The following ERC2 variants were observed in gnomAD, a reference collection of about 807,000 sequenced individuals.
The protein encoded by ERC2 is ERC protein 2.
In ERC2, 42 loss-of-function variants were observed where a neutral mutation model predicts 114.8. The observed-to-expected ratio is 0.37, with a 90% confidence interval of 0.29 to 0.47. The LOEUF (loss-of-function observed/expected upper bound fraction) is 0.47. Among genes scored for constraint, ERC2 ranks in the 20% least tolerant of loss-of-function variants. ERC2 has a pLI of 0.99. For missense variants in ERC2, 939 were observed against 1,150.7 expected, an observed-to-expected ratio of 0.82 and a Z score of 2.66; for synonymous variants, 454 against 425.5, an observed-to-expected ratio of 1.07 and a Z score of -0.82.
chr3:55,918,161 T>C (rs1326184815), intron 13 of ERC2, among the ~76,000 whole-genome samples: 7 of 152,110 alleles, frequency 4.6e-5, no homozygotes, highest in Non-Finnish European at 2.9e-5. Context: ...AAAGGATAAG[T>C]TACTTTCATT....
At chr3:56,018,272 G>T (rs958074927) in intron 8 of ERC2, among the ~76,000 whole-genome samples, 3 of 152,146 alleles carry the variant, frequency 2.0e-5, no homozygotes, top group African/African-American at 7.2e-5. Flanking sequence ...AAAGTAGAAA[G>T]TATCAGACCT....
chr3:56,077,965 C>T (rs9865648), intron 7 of ERC2, among the ~76,000 whole-genome samples: 5 of 151,924 alleles, frequency 3.3e-5, no homozygotes, highest in African/African-American at 1.2e-4. Context: ...TACAGTGTTC[C>T]ATATAAGCAA....
At chr3:55,958,688 A>G (rs1217853134) in intron 12 of ERC2, among the ~76,000 whole-genome samples, 1 of 152,230 alleles carries the variant, frequency 6.6e-6, no homozygotes, top group Non-Finnish European at 1.5e-5. Context: ...AGGCAACAGG[A>G]AGCTGGAGTG....
chr3:55,855,860 AT>A, intron 14 of ERC2, among the ~76,000 whole-genome samples: 1 of 152,314 alleles, frequency 6.6e-6, no homozygotes, highest in Non-Finnish European at 1.5e-5. Flanking sequence ...TTCTGCAGTA[AT>A]TTAAATTTTA....
intron 1 of ERC2, among the ~76,000 whole-genome samples, chr3:56,465,590 C>T (rs1397207154): frequency 6.6e-6 from 1 of 152,162 alleles, no homozygotes; most frequent in African/African-American, 2.4e-5. Context: ...CTATTTAAAA[C>T]TCTAATTGGA....
At chr3:55,665,353 G>T (rs894687613) in intron 17 of ERC2, among the ~76,000 whole-genome samples, 1 of 152,108 alleles carries the variant, frequency 6.6e-6, no homozygotes, top group Non-Finnish European at 1.5e-5. Flanking sequence ...ATTGAGTTGT[G>T]CCCCCTCAGA....
chr3:56,421,767 TG>T (rs969792535), intron 2 of ERC2, among the ~76,000 whole-genome samples: 2 of 152,190 alleles, frequency 1.3e-5, no homozygotes, highest in African/African-American at 4.8e-5. Context: ...ATGTGACACC[TG>T]GCTGCCCTAC....
intron 1 of ERC2, among the ~76,000 whole-genome samples, chr3:56,449,170 A>C (rs995486456): frequency 1.3e-5 from 2 of 152,052 alleles, no homozygotes; most frequent in Non-Finnish European, 2.9e-5. Context: ...GCCCCTCCAC[A>C]ACCCTAAGCC....
chr3:55,673,520 T>G (rs1171737603), intron 17 of ERC2, among the ~76,000 whole-genome samples: 3 of 151,748 alleles, frequency 2.0e-5, no homozygotes, highest in Non-Finnish European at 4.4e-5. Flanking sequence ...GAGACGGAGG[T>G]TGCAGTCAGC....
intron 13 of ERC2, among the ~76,000 whole-genome samples, chr3:55,903,213 C>G (rs1447161180): frequency 6.6e-6 from 1 of 152,142 alleles, no homozygotes; most frequent in South Asian, 2.1e-4. Flanking sequence ...TGTCTTTAAA[C>G]TATATTTTCA....
intron 17 of ERC2, among the ~76,000 whole-genome samples, chr3:55,631,336 C>G (rs2059751563): frequency 1.3e-5 from 2 of 152,146 alleles, no homozygotes; most frequent in African/African-American, 4.8e-5. Flanking sequence ...AAGGGTTAGT[C>G]AATAGCTTTC....
chr3:56,386,452 C>T (rs1183047176), intron 2 of ERC2, among the ~76,000 whole-genome samples: 1 of 152,084 alleles, frequency 6.6e-6, no homozygotes, highest in Non-Finnish European at 1.5e-5. Flanking sequence ...AGCTTCCCAA[C>T]CTGGGCGATC....
chr3:55,678,521 CT>C (rs2061916394), intron 17 of ERC2, among the ~76,000 whole-genome samples: 1 of 152,128 alleles, frequency 6.6e-6, no homozygotes, highest in South Asian at 2.1e-4. Flanking sequence ...CCTTACATGT[CT>C]TCTTATTCTA....
At chr3:55,667,824 G>C (rs2061412860) in intron 17 of ERC2, among the ~76,000 whole-genome samples, 1 of 152,232 alleles carries the variant, frequency 6.6e-6, no homozygotes, top group South Asian at 2.1e-4. Context: ...AGTGAGTGAT[G>C]GAGCTGGAAT....
chr3:55,827,644 G>C (rs892121088), intron 14 of ERC2, among the ~76,000 whole-genome samples: 3 of 152,168 alleles, frequency 2.0e-5, no homozygotes, highest in African/African-American at 7.2e-5. Context: ...TGTAAATCAA[G>C]TTGTTGTTTG....
At chr3:56,293,821 C>T (rs1417211725) in intron 3 of ERC2, among the ~76,000 whole-genome samples, 1 of 152,118 alleles carries the variant, frequency 6.6e-6, no homozygotes, top group Non-Finnish European at 1.5e-5. Flanking sequence ...TCTCAGAAAA[C>T]CCAAGATGAA....
intron 17 of ERC2, among the ~76,000 whole-genome samples, chr3:55,617,958 G>A (rs1239611539): frequency 6.6e-6 from 1 of 151,858 alleles, no homozygotes; most frequent in Admixed American, 6.6e-5. Context: ...CAAGGAAACT[G>A]GGATAGGCAA....
At chr3:56,208,148 T>C (rs17235431) in intron 3 of ERC2, among the ~76,000 whole-genome samples, 45,396 of 152,092 alleles carry the variant, frequency 0.3, 8,448 homozygotes, top group Middle Eastern at 0.41. Context: ...TTCAACCAGA[T>C]TTTCCAATCA....
intron 13 of ERC2, among the ~76,000 whole-genome samples, chr3:55,941,646 A>G (rs1281782152): frequency 6.6e-6 from 1 of 152,238 alleles, no homozygotes; most frequent in African/African-American, 2.4e-5. Context: ...TCATTGCTCA[A>G]TAAAAAGCAG....
Sources: allele counts gnomAD v4.1 joint callset (sites outside exome capture counted in the v4.1 genomes callset), GRCh38; gene constraint gnomAD v4.1.1; transcripts MANE v1.5; gene names NCBI Gene and HGNC (gene_info 2026-07-23, HGNC 2026-07-21).